Variants in LURAP1L observed in about 807,000 individuals in gnomAD.
LURAP1L encodes the protein leucine rich adaptor protein 1-like.
A neutral mutation model predicts 13.8 loss-of-function variants in LURAP1L; 12 were observed. That is an observed-to-expected ratio of 0.87 (90% CI 0.56 to 1.41). The LOEUF is 1.41. LURAP1L is among the 40% of genes most tolerant of loss of function. LURAP1L has a pLI of 0.00. For missense variants in LURAP1L, 375 were observed against 292.9 expected (o/e 1.28, Z -2.04); for synonymous variants, 139 against 119.2 (o/e 1.17, Z -1.08).
At position 12,821,873 on chromosome 9, in the gene LURAP1L, G is replaced by C. The variant is rs1819886631; in HGVS notation, c.*113G>C. On this transcript the variant is annotated 3_prime_UTR_variant, in exon 2 of 2. Transcript: ENST00000319264. ...TAATAAGATGACCTTTTTAAAAGAA[G>C]CTGATTTTGAAACTGCTTAATGGTA... 1 of 1,335,348 alleles carries C rather than the reference G, an allele frequency of 7.5e-7. No homozygotes were observed. Among genetic ancestry groups the C allele is most frequent in the East Asian group, 2.3e-5 (1 of 43,164 alleles). 82.7% of individuals were successfully genotyped at this position (1,335,348 alleles called of 1,614,324 possible). A position where few individuals can be genotyped will look rare whatever the true frequency, so the allele number is the denominator to read the frequency against.
chr9:12,811,298 A>G (rs546012975), intron 1 of LURAP1L, among the ~76,000 whole-genome samples: 1 of 152,172 alleles, frequency 6.6e-6, no homozygotes, highest in Non-Finnish European at 1.5e-5. Flanking sequence ...TTATTATCTA[A>G]GTTTAGTCTA....
chr9:12,786,881 G>A (rs1158519987), intron 1 of LURAP1L, among the ~76,000 whole-genome samples: 1 of 151,914 alleles, frequency 6.6e-6, no homozygotes. Flanking sequence ...CAGGGCAAGA[G>A]TGAGATAAGA....
At chr9:12,795,725 C>T (rs1483195178) in intron 1 of LURAP1L, among the ~76,000 whole-genome samples, 2 of 151,996 alleles carry the variant, frequency 1.3e-5, no homozygotes, top group Non-Finnish European at 2.9e-5. Context: ...CAATGAAAGT[C>T]GTCTTGTATT....
intron 1 of LURAP1L, among the ~76,000 whole-genome samples, chr9:12,810,256 T>C (rs970262268): frequency 2.0e-5 from 3 of 152,130 alleles, no homozygotes; most frequent in Non-Finnish European, 4.4e-5. Flanking sequence ...ATTTTTTAAC[T>C]CACAAGCTAG....
intron 1 of LURAP1L, among the ~76,000 whole-genome samples, chr9:12,783,021 G>C (rs777690310): frequency 6.6e-6 from 1 of 151,784 alleles, no homozygotes; most frequent in East Asian, 1.9e-4. Flanking sequence ...ATTGTTTGCC[G>C]TTGGCATATA....
intron 1 of LURAP1L, among the ~76,000 whole-genome samples, chr9:12,805,779 G>A (rs1463281742): frequency 6.6e-6 from 1 of 152,106 alleles, no homozygotes; most frequent in African/African-American, 2.4e-5. Context: ...ACTAGTCTCT[G>A]GAATCGGCTG....
chr9:12,779,491 G>A (rs372256608), intron 1 of LURAP1L, among the ~76,000 whole-genome samples: 4 of 152,120 alleles, frequency 2.6e-5, no homozygotes, highest in African/African-American at 9.6e-5. Flanking sequence ...AGCTAGGATG[G>A]TCTCTATCTC....
chr9:12,817,553 G>T (rs1586888437), intron 1 of LURAP1L, among the ~76,000 whole-genome samples: 1 of 152,284 alleles, frequency 6.6e-6, no homozygotes, highest in East Asian at 1.9e-4. Flanking sequence ...TGCATATTAT[G>T]ATTGATCAGG....
At chr9:12,776,701 G>A (rs1314009915) in intron 1 of LURAP1L, among the ~76,000 whole-genome samples, 1 of 152,012 alleles carries the variant, frequency 6.6e-6, no homozygotes, top group Non-Finnish European at 1.5e-5. Flanking sequence ...TGATCCCCAG[G>A]CCCAGGGATC....
Position 12,783,566 on chromosome 9 carries a change from T to C in LURAP1L, c.312+7539T>C, listed in dbSNP as rs944343730. ...TGGGATAAATTCCACTTGGTCATGA[T>C]GAATGATTATCTTAATGTGTTGTTG... On this transcript the variant is annotated intron_variant, in intron 1 of 1. Coordinates refer to ENST00000319264, the MANE Select transcript of LURAP1L (RefSeq NM_203403.2). Among the ~76,000 whole-genome samples the C allele has an allele frequency of 2.0e-5, 3 of 152,218 alleles. No homozygotes were observed. The East Asian group carries it at 5.8e-4, about 29-fold the overall frequency.
At chr9:12,819,719 C>G (rs1819847801) in intron 1 of LURAP1L, among the ~76,000 whole-genome samples, 1 of 152,098 alleles carries the variant, frequency 6.6e-6, no homozygotes, top group Non-Finnish European at 1.5e-5. Context: ...CTTTGGGAGG[C>G]TGAGGAGGGC....
At chr9:12,793,126 T>A (rs1819466371) in intron 1 of LURAP1L, among the ~76,000 whole-genome samples, 1 of 152,010 alleles carries the variant, frequency 6.6e-6, no homozygotes. Flanking sequence ...TATAATGATT[T>A]AGAAGTAGAT....
At chr9:12,793,753 C>G (rs937228275) in intron 1 of LURAP1L, among the ~76,000 whole-genome samples, 6 of 152,006 alleles carry the variant, frequency 3.9e-5, no homozygotes, top group Non-Finnish European at 7.4e-5. Context: ...ACAAAGAAAT[C>G]TCTTTATTGA....
At chr9:12,788,638 A>G (rs1026303562) in intron 1 of LURAP1L, among the ~76,000 whole-genome samples, 3 of 152,150 alleles carry the variant, frequency 2.0e-5, no homozygotes, top group African/African-American at 7.2e-5. Flanking sequence ...TATGTTGTAA[A>G]TTTATTTATG....
intron 1 of LURAP1L, among the ~76,000 whole-genome samples, chr9:12,819,782 G>A (rs1223235099): frequency 6.6e-6 from 1 of 152,022 alleles, no homozygotes; most frequent in African/African-American, 2.4e-5. Flanking sequence ...GTGAAACCCT[G>A]TCTCCACTAA....
At chr9:12,786,654 T>C (rs1352961144) in intron 1 of LURAP1L, among the ~76,000 whole-genome samples, 1 of 145,638 alleles carries the variant, frequency 6.9e-6, no homozygotes, top group Non-Finnish European at 1.5e-5. Context: ...CTTCTTAAAT[T>C]TGCTCATCTG....
intron 1 of LURAP1L, among the ~76,000 whole-genome samples, chr9:12,800,543 A>C (rs1028806850): frequency 2.0e-5 from 3 of 152,092 alleles, no homozygotes; most frequent in Non-Finnish European, 2.9e-5. Flanking sequence ...CAAAAAAAAA[A>C]CAAAAAACAT....
chr9:12,822,802 T>G lies in LURAP1L; in HGVS notation c.*1042T>G, dbSNP rs1819899358. ...ATATTTACTTTAAATATAATGTTATTAATCCTCTGCATTTCTTTTATCTTG... is the reference window on the plus strand; with the variant it reads ...ATATTTACTTTAAATATAATGTTATGAATCCTCTGCATTTCTTTTATCTTG... On this transcript the variant is annotated 3_prime_UTR_variant, in exon 2 of 2. Coordinates refer to ENST00000319264, the MANE Select transcript of LURAP1L (RefSeq NM_203403.2). 6.6e-6 allele frequency among the ~76,000 whole-genome samples: 1 copy of G among 152,210 alleles called. No homozygotes were observed. Among genetic ancestry groups the G allele is most frequent in the Non-Finnish European group, 1.5e-5 (1 of 68,028 alleles).
intron 1 of LURAP1L, among the ~76,000 whole-genome samples, chr9:12,799,873 C>T (rs374119157): frequency 1.2e-5 from 1 of 82,530 alleles, no homozygotes; most frequent in Admixed American, 1.3e-4. Context: ...GACTCCGTCT[C>T]AAAAAAAAAA....
Sources: allele counts gnomAD v4.1 joint callset (sites outside exome capture counted in the v4.1 genomes callset), GRCh38; gene constraint gnomAD v4.1.1; transcripts MANE v1.5; gene names NCBI Gene and HGNC (gene_info 2026-07-23, HGNC 2026-07-21).